Variants in RAB11FIP4 observed in about 807,000 individuals in gnomAD.
The protein encoded by RAB11FIP4 is RAB11 family interacting protein 4, also known as rab11 family-interacting protein 4.
In RAB11FIP4, 23 loss-of-function variants were observed where a neutral mutation model predicts 74.3. The observed-to-expected ratio is 0.31, with a 90% CI of 0.22 to 0.44. The LOEUF (loss-of-function observed/expected upper bound fraction) is 0.44. Among genes scored for constraint, RAB11FIP4 ranks in the 20% least tolerant of loss-of-function variants. The pLI, the probability that RAB11FIP4 is intolerant of heterozygous loss-of-function variation, is 1.00. For synonymous variants in RAB11FIP4, 360 were observed against 359.9 expected, an observed-to-expected ratio of 1.00 and a Z score of 0.00; for missense variants, 630 against 863.9, an observed-to-expected ratio of 0.73 and a Z score of 3.39.
At chr17:31,488,500 C>A (rs1268184081) in intron 3 of RAB11FIP4, 3 of 354,942 alleles carry the variant, frequency 8.5e-6, no homozygotes, top group Admixed American at 1.2e-4. Flanking sequence ...AGGAAGGGGG[C>A]TCGTCTGCTG....
At position 31,495,993 on chromosome 17, in the gene RAB11FIP4, G is replaced by A. The variant is rs150966030; in HGVS notation, c.337-21658G>A. On this transcript the variant is annotated intron_variant, in intron 3 of 14. Transcript: ENST00000621161. ...TTAACATCTTAAATTGGAATGTGTC[G>A]CACATTTGCGGATTATTATAATTTG... Among the ~76,000 whole-genome samples, 800 of 152,048 alleles carry A rather than the reference G, an allele frequency of 5.3e-3. 4 individuals carry two copies. Among genetic ancestry groups the A allele is most frequent in the African/African-American group, 0.018 (748 of 41,432 alleles).
At chr17:31,482,105 G>A (rs1365312388) in intron 3 of RAB11FIP4, among the ~76,000 whole-genome samples, 1 of 152,160 alleles carries the variant, frequency 6.6e-6, no homozygotes, top group Non-Finnish European at 1.5e-5. Flanking sequence ...GCTCTTCCAG[G>A]GGAGGAGTCT....
At chr17:31,472,387 G>A (rs2142729598) in intron 3 of RAB11FIP4, among the ~76,000 whole-genome samples, 1 of 152,270 alleles carries the variant, frequency 6.6e-6, no homozygotes, top group South Asian at 2.1e-4. Context: ...GCCAAGCTGG[G>A]CCTTACGCGC....
At chr17:31,451,386 G>T (rs1049458391) in intron 3 of RAB11FIP4, among the ~76,000 whole-genome samples, 1 of 151,098 alleles carries the variant, frequency 6.6e-6, no homozygotes, top group African/African-American at 2.4e-5. Context: ...TTAAACCCGG[G>T]AGGCGGAGGT....
chr17:31,433,787 C>T (rs2071332173), intron 2 of RAB11FIP4, among the ~76,000 whole-genome samples: 1 of 152,232 alleles, frequency 6.6e-6, no homozygotes, highest in African/African-American at 2.4e-5. Flanking sequence ...TTGCCCCAGC[C>T]TGCCCTCTGT....
chr17:31,453,418 A>T (rs1488188869), intron 3 of RAB11FIP4, among the ~76,000 whole-genome samples: 2 of 148,758 alleles, frequency 1.3e-5, no homozygotes, highest in Non-Finnish European at 3.0e-5. Flanking sequence ...GGAGTCCAAG[A>T]GTTCTGAGTT....
chr17:31,516,616 T>C (rs1017943288), intron 3 of RAB11FIP4, among the ~76,000 whole-genome samples: 4 of 152,200 alleles, frequency 2.6e-5, no homozygotes, highest in South Asian at 2.1e-4. Context: ...ACTACAGGCA[T>C]GCGCCACCTC....
intron 1 of RAB11FIP4, among the ~76,000 whole-genome samples, chr17:31,416,714 TA>T (rs765527514): frequency 7.2e-5 from 11 of 152,130 alleles, no homozygotes; most frequent in African/African-American, 9.7e-5. Flanking sequence ...GGGACAGAGC[TA>T]GGGGCAGTTG....
At chr17:31,442,537 T>C (rs936149150) in intron 3 of RAB11FIP4, among the ~76,000 whole-genome samples, 29 of 152,200 alleles carry the variant, frequency 1.9e-4, no homozygotes, top group African/African-American at 4.8e-5. Context: ...CACACTACAG[T>C]GGCAGAGCTG....
chr17:31,399,786 G>A (rs934324006), intron 1 of RAB11FIP4, among the ~76,000 whole-genome samples: 17 of 151,942 alleles, frequency 1.1e-4, no homozygotes, highest in African/African-American at 3.9e-4. Context: ...GCTCAAGCCT[G>A]TAATCCTAGC....
At chr17:31,406,082 C>T (rs755891570) in intron 1 of RAB11FIP4, among the ~76,000 whole-genome samples, 9 of 152,262 alleles carry the variant, frequency 5.9e-5, no homozygotes, top group Non-Finnish European at 8.8e-5. Context: ...CCCCTGGGCT[C>T]AGCTCCTGCT....
chr17:31,445,534 A>T (rs1397719441), intron 3 of RAB11FIP4, among the ~76,000 whole-genome samples: 7 of 11,706 alleles, frequency 6.0e-4, no homozygotes, highest in South Asian at 3.7e-3. Flanking sequence ...TCCCAATTTT[A>T]TATATATATA....
intron 1 of RAB11FIP4, among the ~76,000 whole-genome samples, chr17:31,399,274 G>A (rs1379541360): frequency 3.3e-5 from 5 of 152,194 alleles, no homozygotes; most frequent in Non-Finnish European, 7.3e-5. Context: ...AATGCCCGCT[G>A]GCCTGGAAAT....
At chr17:31,486,193 C>G (rs2071899930) in intron 3 of RAB11FIP4, among the ~76,000 whole-genome samples, 1 of 152,016 alleles carries the variant, frequency 6.6e-6, no homozygotes, top group Non-Finnish European at 1.5e-5. Flanking sequence ...AAGCTCACGC[C>G]ACTGCACTCC....
At chr17:31,503,798 T>TATTCTTTCAGGATGGC (rs1462558668) in intron 3 of RAB11FIP4, among the ~76,000 whole-genome samples, 1 of 149,858 alleles carries the variant, frequency 6.7e-6, no homozygotes, top group African/African-American at 2.6e-5. Flanking sequence ...GCTAGGATAG[T>TATTCTTTCAGGATGGC]ATTCTTTCAG....
At chr17:31,477,148 G>A (rs1034979318) in intron 3 of RAB11FIP4, among the ~76,000 whole-genome samples, 1 of 152,216 alleles carries the variant, frequency 6.6e-6, no homozygotes, top group African/African-American at 2.4e-5. Context: ...AGACAATTGC[G>A]GGGGACTCTG....
chr17:31,479,469 C>G (rs573533545), intron 3 of RAB11FIP4, among the ~76,000 whole-genome samples: 58 of 152,272 alleles, frequency 3.8e-4, no homozygotes, highest in African/African-American at 1.1e-3. Flanking sequence ...TACTGTGTGC[C>G]AGACATGTTA....
intron 1 of RAB11FIP4, among the ~76,000 whole-genome samples, chr17:31,420,355 C>G (rs954623804): frequency 6.6e-6 from 1 of 152,100 alleles, no homozygotes; most frequent in Non-Finnish European, 1.5e-5. Flanking sequence ...CTCACCCAAC[C>G]CCGGTAGCTG....
Position 31,531,718 on chromosome 17 carries a change from G to A in RAB11FIP4, c.1900G>A (p.Glu634Lys). The A allele has an allele frequency of 6.2e-7, 1 of 1,612,048 alleles. No homozygotes were observed. ...CCTGGACCACAATCCCTCCATCCTC[G>A]AGATCAAACACTAAGGCACGGGGCT... ...AILDHNPSIL[E>K]IKH Residue 634 changes from glutamate to lysine, a missense_variant, in exon 15 of 15, where the codon GAG (glutamate) becomes AAG (lysine). Glu to Lys is a moderately conservative substitution (Grantham distance 56). Coordinates refer to ENST00000621161, the MANE Select transcript of RAB11FIP4 (RefSeq NM_032932.6).
Sources: allele counts gnomAD v4.1 joint callset (sites outside exome capture counted in the v4.1 genomes callset), GRCh38; gene constraint gnomAD v4.1.1; transcripts MANE v1.5; gene names NCBI Gene and HGNC (gene_info 2026-07-23, HGNC 2026-07-21).